ARHGAP35: variants seen among roughly 807,000 people sequenced by gnomAD.
ARHGAP35 encodes the protein rho GTPase-activating protein 35.
In ARHGAP35, 15 loss-of-function variants were observed where a neutral mutation model predicts 111.1. That is an observed-to-expected ratio of 0.13 (90% CI 0.09 to 0.21). The LOEUF (loss-of-function observed/expected upper bound fraction) is 0.21. ARHGAP35 is among the 10% of genes least tolerant of loss of function. ARHGAP35 has a pLI of 1.00. For synonymous variants in ARHGAP35, 643 were observed against 710.3 expected (o/e 0.91, Z 1.51); for missense variants, 1,262 against 1,873.0 (o/e 0.67, Z 6.02).
At chr19:46,884,428 C>G (rs1321171329) in intron 1 of ARHGAP35, among the ~76,000 whole-genome samples, 1 of 151,964 alleles carries the variant, frequency 6.6e-6, no homozygotes, top group African/African-American at 2.4e-5. Context: ...AGGAAAACTG[C>G]CACAGGCCAG....
intron 3 of ARHGAP35, among the ~76,000 whole-genome samples, chr19:46,966,116 G>T (rs2056513746): frequency 6.6e-6 from 1 of 152,030 alleles, no homozygotes; most frequent in Admixed American, 6.6e-5. Context: ...TTTGCCATAT[G>T]TGATATTTTC....
rs758124139 is a variant in ARHGAP35, at chr19:46,920,800, A to G, written c.2125A>G (p.Thr709Ala). 8.7e-6 allele frequency: 14 copies of G among 1,610,790 alleles called. No homozygotes were observed. In the South Asian group the frequency reaches 1.2e-4, roughly 14 times the overall value. The change falls in exon 2 of 7, where the codon ACC (threonine) becomes GCC (alanine). Residue 709 changes from threonine to alanine, a missense_variant. Coordinates refer to ENST00000672722, the MANE Select transcript of ARHGAP35 (RefSeq NM_004491.5). The surrounding 1 kb of genome is among the most constrained non-coding windows in gnomAD (Gnocchi z 7.0). ...TLILVNKRGD[T>A]SGETLHSLIQ... The stretch of plus-strand genomic sequence containing the variant: ...AATTTTGGTTAACAAGAGAGGAGAC[A>G]CCAGTGGAGAGACTCTGCATAGCTT...
intron 1 of ARHGAP35, among the ~76,000 whole-genome samples, chr19:46,885,644 A>G (rs2055989915): frequency 6.6e-6 from 1 of 152,170 alleles, no homozygotes; most frequent in Non-Finnish European, 1.5e-5. Context: ...TTGGATGGGC[A>G]TAGTACATTC....
intron 3 of ARHGAP35, among the ~76,000 whole-genome samples, chr19:46,938,510 G>A (rs139942534): frequency 1.6e-3 from 245 of 151,136 alleles, no homozygotes; most frequent in African/African-American, 5.8e-3. Flanking sequence ...CCGCCATGAC[G>A]CCCAACTAAT....
At chr19:46,972,621 A>C (rs996219641) in intron 3 of ARHGAP35, among the ~76,000 whole-genome samples, 1 of 152,200 alleles carries the variant, frequency 6.6e-6, no homozygotes, top group Non-Finnish European at 1.5e-5. Context: ...TTGATTGAAA[A>C]ATGAAGACAA....
intron 1 of ARHGAP35, among the ~76,000 whole-genome samples, chr19:46,909,320 A>C (rs2056126446): frequency 6.6e-6 from 1 of 151,962 alleles, no homozygotes; most frequent in Non-Finnish European, 1.5e-5. Flanking sequence ...AAAACAAAAA[A>C]ACTTTAGGCC....
chr19:46,912,268 TC>T (rs2056141102), intron 1 of ARHGAP35, among the ~76,000 whole-genome samples: 1 of 151,960 alleles, frequency 6.6e-6, no homozygotes, highest in South Asian at 2.1e-4. Context: ...GGTCTCAAAC[TC>T]CTGACCTCAG....
intron 3 of ARHGAP35, among the ~76,000 whole-genome samples, chr19:46,956,101 T>C (rs2056437736): frequency 6.6e-6 from 1 of 152,200 alleles, no homozygotes; most frequent in Non-Finnish European, 1.5e-5. Flanking sequence ...GCAGATCACT[T>C]GAGCCCAGGA....
At chr19:46,891,450 T>TG (rs2056023445) in intron 1 of ARHGAP35, among the ~76,000 whole-genome samples, 1 of 151,020 alleles carries the variant, frequency 6.6e-6, no homozygotes, top group East Asian at 1.9e-4. Context: ...TTTTTTTAGA[T>TG]GGAGTCTCGC....
intron 3 of ARHGAP35, among the ~76,000 whole-genome samples, chr19:46,976,325 A>G (rs189263191): frequency 1.7e-3 from 255 of 151,074 alleles, no homozygotes; most frequent in African/African-American, 5.9e-3. Flanking sequence ...CCATAAAGGC[A>G]GGCAGTCAGC....
At chr19:46,962,741 G>A (rs577327648) in intron 3 of ARHGAP35, among the ~76,000 whole-genome samples, 3 of 152,128 alleles carry the variant, frequency 2.0e-5, no homozygotes, top group Non-Finnish European at 2.9e-5. Context: ...AGCCTCCCAC[G>A]TAGATGGGAT....
At chr19:46,868,162 C>G (rs941687668) in intron 1 of ARHGAP35, among the ~76,000 whole-genome samples, 2 of 152,258 alleles carry the variant, frequency 1.3e-5, no homozygotes, top group Admixed American at 6.5e-5. Context: ...GCTACCGCGC[C>G]TGGCTCTGGC....
At chr19:46,923,544 C>CT (rs962736120) in intron 2 of ARHGAP35, among the ~76,000 whole-genome samples, 42 of 149,142 alleles carry the variant, frequency 2.8e-4, no homozygotes, top group East Asian at 7.8e-4. Flanking sequence ...TTTTCTTTTT[C>CT]TTTTTTTTTT....
Position 47,000,803 on chromosome 19 carries a change from A to G in ARHGAP35, c.*115A>G. 1 of 1,544,034 alleles carries G rather than the reference A, an allele frequency of 6.5e-7. No homozygotes were observed. Among genetic ancestry groups the G allele is most frequent in the Non-Finnish European group, 8.7e-7 (1 of 1,146,022 alleles). On this transcript the variant is annotated 3_prime_UTR_variant, in exon 7 of 7. Coordinates refer to ENST00000672722, the MANE Select transcript of ARHGAP35 (RefSeq NM_004491.5). This position sits in a 1 kb window ranked among gnomAD's most constrained non-coding sequence, Gnocchi z 6.9. ...GAGGCAGGGGCAAGTGGCTCTCCCC[A>G]TTACCTTCTCAAGACCTCAGTGGGA... is the stretch of plus-strand genomic sequence containing the variant.
At chr19:46,973,995 CA>C (rs56980634) in intron 3 of ARHGAP35, among the ~76,000 whole-genome samples, 6,620 of 146,784 alleles carry the variant, frequency 0.045, 205 homozygotes, top group East Asian at 0.16. Flanking sequence ...GACTCCATCT[CA>C]AAAAAAAAAA....
At chr19:46,867,196 T>G in intron 1 of ARHGAP35, among the ~76,000 whole-genome samples, 1 of 152,354 alleles carries the variant, frequency 6.6e-6, no homozygotes, top group East Asian at 1.9e-4. Context: ...TAATATTTAT[T>G]TTAGTTGAAA....
At position 46,908,095 on chromosome 19, in the gene ARHGAP35, A is replaced by G. The variant is rs1486092246; in HGVS notation, c.-188-10393A>G. ...GCACTGTCCTTTGTTGGCAAGGCAC[A>G]TTTGGCTGGACGCAGCCTCCACTCT... On this transcript the variant is annotated intron_variant, in intron 1 of 6. Coordinates refer to ENST00000672722, the MANE Select transcript of ARHGAP35 (RefSeq NM_004491.5). This position sits in a 1 kb window ranked among gnomAD's most constrained non-coding sequence, Gnocchi z 4.2. Among the ~76,000 whole-genome samples, 1 of 152,180 alleles carries G rather than the reference A, an allele frequency of 6.6e-6. No individual in the cohort carries two copies. Among genetic ancestry groups the G allele is most frequent in the East Asian group, 1.9e-4 (1 of 5,194 alleles).
At chr19:46,882,557 A>G (rs1295693820) in intron 1 of ARHGAP35, among the ~76,000 whole-genome samples, 1 of 152,172 alleles carries the variant, frequency 6.6e-6, no homozygotes, top group Non-Finnish European at 1.5e-5. Flanking sequence ...ATAGGTATAC[A>G]TGTGCCATTG....
chr19:46,876,179 C>G (rs2055919231), intron 1 of ARHGAP35, among the ~76,000 whole-genome samples: 1 of 151,838 alleles, frequency 6.6e-6, no homozygotes, highest in African/African-American at 2.4e-5. Flanking sequence ...GCTGCACTAC[C>G]TGGACCTGGC....
Sources: allele counts gnomAD v4.1 joint callset (sites outside exome capture counted in the v4.1 genomes callset), GRCh38; gene constraint gnomAD v4.1.1; non-coding constraint Gnocchi (gnomAD v3.1); transcripts MANE v1.5; gene names NCBI Gene and HGNC (gene_info 2026-07-23, HGNC 2026-07-21).